BCAT1: variants seen among roughly 807,000 people sequenced by gnomAD.
BCAT1 encodes branched-chain-amino-acid aminotransferase, cytosolic.
Under a neutral mutation model 52.4 loss-of-function variants are expected in BCAT1, and 48 were observed. The observed-to-expected ratio is 0.92, with a 90% CI of 0.73 to 1.16. The LOEUF is 1.16. BCAT1 is among the 50% of genes most tolerant of loss of function. The pLI, the probability that BCAT1 is intolerant of heterozygous loss-of-function variation, is 0.00. For missense variants in BCAT1, 451 were observed against 457.1 expected, an observed-to-expected ratio of 0.99 and a Z score of 0.12; for synonymous variants, 167 against 161.3, an observed-to-expected ratio of 1.04 and a Z score of -0.27.
At chr12:24,868,468 A>G (rs1942089341) in intron 5 of BCAT1, among the ~76,000 whole-genome samples, 1 of 152,238 alleles carries the variant, frequency 6.6e-6, no homozygotes, top group African/African-American at 2.4e-5. Context: ...AGGAAGGTAC[A>G]GATAGAGAGC....
At chr12:24,920,183 T>G (rs1015476116) in intron 1 of BCAT1, among the ~76,000 whole-genome samples, 1 of 152,212 alleles carries the variant, frequency 6.6e-6, no homozygotes, top group African/African-American at 2.4e-5. Context: ...TCCAGGAAGA[T>G]CTCAATCTGT....
intron 3 of BCAT1, among the ~76,000 whole-genome samples, chr12:24,891,958 CAT>C (rs1274487497): frequency 5.3e-5 from 8 of 151,438 alleles, no homozygotes; most frequent in Non-Finnish European, 1.2e-4. Context: ...GGGGTTTCAC[CAT>C]GTTAGCCAGG....
At chr12:24,839,124 A>G (rs1307635779) in intron 7 of BCAT1, among the ~76,000 whole-genome samples, 1 of 152,246 alleles carries the variant, frequency 6.6e-6, no homozygotes, top group Non-Finnish European at 1.5e-5. Flanking sequence ...TGTTGATAGT[A>G]TGTTAGACTA....
intron 1 of BCAT1, among the ~76,000 whole-genome samples, chr12:24,934,481 A>G (rs1259875715): frequency 6.6e-6 from 1 of 152,228 alleles, no homozygotes; most frequent in Admixed American, 6.5e-5. Flanking sequence ...GTACTCCTCA[A>G]ATATTTGTTC....
intron 1 of BCAT1, among the ~76,000 whole-genome samples, chr12:24,943,902 T>G (rs372993945): frequency 2.6e-5 from 4 of 151,854 alleles, no homozygotes; most frequent in South Asian, 4.2e-4. Flanking sequence ...GAGAATGGCG[T>G]GAACCCAGGA....
chr12:24,850,131 A>G (rs1202792660), intron 5 of BCAT1, among the ~76,000 whole-genome samples, 182 bp from the exon 6 acceptor site: 2 of 152,220 alleles, frequency 1.3e-5, no homozygotes, highest in East Asian at 3.8e-4. Context: ...CTGAGAATGG[A>G]GTACATACAT....
chr12:24,859,359 G>A (rs1022727773), intron 5 of BCAT1, among the ~76,000 whole-genome samples: 7 of 152,256 alleles, frequency 4.6e-5, no homozygotes, highest in South Asian at 4.1e-4. Context: ...AGTGGCTCAC[G>A]CCTGTAATAC....
At chr12:24,927,143 G>C (rs919403598) in intron 1 of BCAT1, among the ~76,000 whole-genome samples, 1 of 152,036 alleles carries the variant, frequency 6.6e-6, no homozygotes, top group Non-Finnish European at 1.5e-5. Context: ...TTCATCTCTT[G>C]GATGATAATG....
At chr12:24,864,609 T>G (rs1258030997) in intron 5 of BCAT1, among the ~76,000 whole-genome samples, 2 of 152,208 alleles carry the variant, frequency 1.3e-5, no homozygotes, top group Non-Finnish European at 2.9e-5. Flanking sequence ...TTTCCCTTCC[T>G]TCTGGCTAAT....
intron 3 of BCAT1, among the ~76,000 whole-genome samples, chr12:24,894,049 ATTT>A (rs907529330): frequency 6.6e-6 from 1 of 152,160 alleles, no homozygotes; most frequent in Admixed American, 6.5e-5. Context: ...GCTTTAAATA[ATTT>A]TTTTATTGAC....
chr12:24,834,855 T>C (rs1018092585), intron 8 of BCAT1: 7 of 1,013,176 alleles, frequency 6.9e-6, no homozygotes, highest in African/African-American at 3.5e-5. Flanking sequence ...AGCAGAATTG[T>C]TTTTGCTCTG....
chr12:24,829,840 T>G lies in BCAT1; in HGVS notation c.1102A>C (p.Lys368Gln). 6.2e-7 allele frequency: 1 copy of G among 1,610,620 alleles called. No homozygotes were observed. Among genetic ancestry groups the G allele is most frequent in the Non-Finnish European group, 8.5e-7 (1 of 1,178,168 alleles). ...GPKLASRILS[K>Q]LTDIQYGREE... ...AGCTTTACCTGGATATCAGTTAATT[T>G]GCTCAAGATGCGGCTTGCCAGCTTA... The change falls in exon 10 of 11, where the codon AAA becomes CAA. Residue 368 changes from lysine (K) to glutamine (Q), a missense_variant. Lys to Gln is a moderately conservative substitution (Grantham distance 53). Coordinates refer to ENST00000261192, the MANE Select transcript of BCAT1 (RefSeq NM_005504.7).
intron 5 of BCAT1, among the ~76,000 whole-genome samples, chr12:24,867,337 C>CTTT (rs35488171): frequency 1.6e-5 from 2 of 128,816 alleles, no homozygotes; most frequent in African/African-American, 2.9e-5. Context: ...TCGAAAATAT[C>CTTT]TTTTTTTTTT....
In BCAT1 at chr12:24,901,874, G is replaced by A. The variant is rs1275215208; in HGVS notation, c.18C>T (p.Asn6=). Residue 6 remains asparagine (N), a synonymous_variant, in exon 2 of 11, where the codon AAC becomes AAT. Coordinates refer to ENST00000261192, the MANE Select transcript of BCAT1 (RefSeq NM_005504.7). ...CTCCGGTACACTCTGCGGAGCATCC[G>A]TTACTGCAATCCTTAAAGAAGAATT... is the stretch of plus-strand genomic sequence containing the variant. MKDCS[N]GCSAECTGEG... 1.2e-6 allele frequency: 2 copies of A among 1,613,852 alleles called. No homozygotes were observed. The highest frequency in any genetic ancestry group is 1.7e-6 in the Non-Finnish European group (2 of 1,179,900).
At chr12:24,915,432 G>A (rs774393250) in intron 1 of BCAT1, among the ~76,000 whole-genome samples, 26 of 152,110 alleles carry the variant, frequency 1.7e-4, no homozygotes, top group Non-Finnish European at 3.2e-4. Flanking sequence ...TATTGAGCAC[G>A]CCTGTCAGAG....
At chr12:24,849,219 C>T (rs1941428376) in intron 6 of BCAT1, among the ~76,000 whole-genome samples, 1 of 152,384 alleles carries the variant, frequency 6.6e-6, no homozygotes, top group East Asian at 1.9e-4. Context: ...TCTTTTATTT[C>T]CTGCCAGCTA....
chr12:24,943,295 C>T (rs1227774337), intron 1 of BCAT1, among the ~76,000 whole-genome samples: 2 of 151,944 alleles, frequency 1.3e-5, no homozygotes, highest in Non-Finnish European at 2.9e-5. Flanking sequence ...GAGTTCAAGA[C>T]CAGCCAGTGC....
At chr12:24,886,832 TA>T (rs1216608757) in intron 3 of BCAT1, among the ~76,000 whole-genome samples, 1,653 of 121,534 alleles carry the variant, frequency 0.014, 22 homozygotes, top group African/African-American at 0.041. Flanking sequence ...CCCTGTCTCT[TA>T]AAAAAAAAAA....
At chr12:24,922,343 T>TAC (rs1244028042) in intron 1 of BCAT1, among the ~76,000 whole-genome samples, 2 of 152,334 alleles carry the variant, frequency 1.3e-5, no homozygotes, top group East Asian at 3.9e-4. Context: ...AGATGGTTTT[T>TAC]ACCTGAAGAG....
Sources: allele counts gnomAD v4.1 joint callset (sites outside exome capture counted in the v4.1 genomes callset), GRCh38; gene constraint gnomAD v4.1.1; transcripts MANE v1.5; gene names NCBI Gene and HGNC (gene_info 2026-07-23, HGNC 2026-07-21).